Variants in PLCL2 observed in about 807,000 individuals in gnomAD.
PLCL2 encodes the protein inactive phospholipase C-like protein 2.
Under a neutral mutation model 79.6 loss-of-function variants are expected in PLCL2, and 4 were observed. The ratio of observed to expected loss-of-function variants is 0.05; its 90% CI spans 0.02 to 0.11. The LOEUF is 0.11. Among genes scored for constraint, PLCL2 ranks in the 10% least tolerant of loss-of-function variants. The probability of loss-of-function intolerance (pLI) is 1.00; values close to 1 mark genes in which losing one functional copy is unlikely to be tolerated. For missense variants in PLCL2, 895 were observed against 1,291.0 expected, an observed-to-expected ratio of 0.69 and a Z score of 4.70; for synonymous variants, 484 against 457.7, an observed-to-expected ratio of 1.06 and a Z score of -0.73.
intron 1 of PLCL2, among the ~76,000 whole-genome samples, chr3:16,959,690 T>C (rs899179862): frequency 1.3e-5 from 2 of 152,188 alleles, no homozygotes; most frequent in Admixed American, 6.5e-5. Context: ...TTCCTCATTG[T>C]GGTCCTATCC....
intron 1 of PLCL2, among the ~76,000 whole-genome samples, chr3:16,892,482 T>C (rs1052747876): frequency 3.9e-5 from 6 of 152,374 alleles, no homozygotes; most frequent in African/African-American, 1.4e-4. Flanking sequence ...TCTGTAGTTT[T>C]TGCTCAGTTG....
chr3:17,056,299 A>G (rs1049990255), intron 4 of PLCL2, among the ~76,000 whole-genome samples: 4 of 152,156 alleles, frequency 2.6e-5, no homozygotes, highest in Non-Finnish European at 5.9e-5. Context: ...TTCTCATACA[A>G]ATACCAGAAG....
chr3:17,014,607 T>C, intron 2 of PLCL2, 101 bp from the exon 3 acceptor site: 2 of 894,386 alleles, frequency 2.2e-6, no homozygotes, highest in Non-Finnish European at 3.6e-6. Context: ...ATAACTTTTG[T>C]ACCAGGTGGT....
At chr3:16,933,280 G>T (rs573425889) in intron 1 of PLCL2, 5 of 154,934 alleles carry the variant, frequency 3.2e-5, no homozygotes, top group African/African-American at 9.6e-5. Context: ...TTGTTCAAGA[G>T]CACTGGAAAT....
chr3:17,068,366 T>C (rs2065030048), intron 5 of PLCL2, among the ~76,000 whole-genome samples: 1 of 152,252 alleles, frequency 6.6e-6, no homozygotes, highest in African/African-American at 2.4e-5. Flanking sequence ...AGTTGCTATA[T>C]GTAAAATAGA....
chr3:16,914,353 TA>T (rs1175638979), intron 1 of PLCL2, among the ~76,000 whole-genome samples: 1 of 152,238 alleles, frequency 6.6e-6, no homozygotes, highest in African/African-American at 2.4e-5. Flanking sequence ...TAATATGATC[TA>T]AGAGAAAGAT....
At chr3:17,080,458 C>CTT (rs1036660053) in intron 5 of PLCL2, among the ~76,000 whole-genome samples, 3 of 151,474 alleles carry the variant, frequency 2.0e-5, no homozygotes, top group African/African-American at 7.3e-5. Flanking sequence ...ATTCATTCTT[C>CTT]TTTTTTTTTC....
intron 4 of PLCL2, 52 bp downstream of exon 4, chr3:17,043,001 C>T (rs778192115): frequency 9.3e-6 from 11 of 1,179,430 alleles, no homozygotes; most frequent in East Asian, 4.7e-5. Context: ...GCATCATATA[C>T]TTTGCCCCAA....
chr3:17,080,616 A>C (rs969157113), intron 5 of PLCL2, among the ~76,000 whole-genome samples: 1 of 151,952 alleles, frequency 6.6e-6, no homozygotes, highest in Non-Finnish European at 1.5e-5. Context: ...ATGCCTGGCT[A>C]ATTTTTGTAT....
chr3:17,058,643 C>G (rs1269413971), intron 4 of PLCL2, among the ~76,000 whole-genome samples: 2 of 152,054 alleles, frequency 1.3e-5, no homozygotes, highest in Non-Finnish European at 2.9e-5. Context: ...AATTTGGGAG[C>G]TATCATTGCA....
Position 17,014,929 on chromosome 3 carries a change from C to T in PLCL2, c.3018+18C>T, listed in dbSNP as rs993770416. The T allele has an allele frequency of 8.8e-6, 14 of 1,592,736 alleles. No individual in the cohort carries two copies. The highest frequency in any genetic ancestry group is 2.2e-5 in the South Asian group (2 of 90,590). ...ATGACATGGTGAGTTGTCCTTTGTCCGTTTACATAGCCTGGGTGAGAGAGA... is the reference window on the plus strand; with the variant it reads ...ATGACATGGTGAGTTGTCCTTTGTCTGTTTACATAGCCTGGGTGAGAGAGA... On this transcript the variant is annotated intron_variant, in intron 3 of 5. Transcript: ENST00000615277.
At position 17,004,925 on chromosome 3, in the gene PLCL2, T is replaced by C. The variant is rs186040988; in HGVS notation, c.328-4749T>C. The stretch of plus-strand genomic sequence containing the variant: ...TTATATTTCAGATTAAATAACTTGA[T>C]TCAAGCAAACCAGAGAGATAAATGG... On this transcript the variant is annotated intron_variant, in intron 1 of 5. Coordinates refer to ENST00000615277, the MANE Select transcript of PLCL2 (RefSeq NM_001144382.2). 2.8e-4 allele frequency among the ~76,000 whole-genome samples: 43 copies of C among 152,316 alleles called. No homozygotes were observed. The East Asian group carries it at 7.9e-3, about 28-fold the overall frequency.
At chr3:16,910,384 T>A (rs1473520445) in intron 1 of PLCL2, among the ~76,000 whole-genome samples, 1 of 152,124 alleles carries the variant, frequency 6.6e-6, no homozygotes, top group African/African-American at 2.4e-5. Flanking sequence ...GTCCTCCCCT[T>A]ACTTCACCCG....
chr3:17,036,101 G>A (rs890483976), intron 3 of PLCL2, among the ~76,000 whole-genome samples: 1 of 152,126 alleles, frequency 6.6e-6, no homozygotes, highest in Non-Finnish European at 1.5e-5. Flanking sequence ...TGCTGGAAGG[G>A]AGGACGACCA....
At position 16,885,172 on chromosome 3, in the gene PLCL2, GGGC is replaced by G; in HGVS notation, c.136_138del (p.Arg46del). 1.8e-6 allele frequency: 1 copy of G among 548,932 alleles called. No homozygotes were observed. Among genetic ancestry groups the G allele is most frequent in the Admixed American group, 3.3e-5 (1 of 30,062 alleles). 34.0% of individuals were successfully genotyped at this position (548,932 alleles called of 1,614,324 possible). The stretch of plus-strand genomic sequence containing the variant: ...TGGCGGGGGAGGTCGCCTCGGCCAC[GGGC>G]GGGCGCGCTATGACAGCGGCGGGGT... On this transcript the variant is annotated inframe_deletion, in exon 1 of 6. Coordinates refer to ENST00000615277, the MANE Select transcript of PLCL2 (RefSeq NM_001144382.2).
intron 1 of PLCL2, among the ~76,000 whole-genome samples, chr3:16,935,766 G>A (rs1697523989): frequency 6.6e-6 from 1 of 152,070 alleles, no homozygotes; most frequent in South Asian, 2.1e-4. Flanking sequence ...TTATACCTGG[G>A]CAACATCAGG....
chr3:17,004,411 C>T (rs2064240870), intron 1 of PLCL2, among the ~76,000 whole-genome samples: 1 of 152,132 alleles, frequency 6.6e-6, no homozygotes, highest in African/African-American at 2.4e-5. Flanking sequence ...AAGAGGAGCG[C>T]CCATGGAGGA....
chr3:17,000,498 C>G (rs1451228176), intron 1 of PLCL2, among the ~76,000 whole-genome samples: 1 of 152,042 alleles, frequency 6.6e-6, no homozygotes, highest in East Asian at 1.9e-4. Flanking sequence ...GTATTAATGA[C>G]TATAGTCAAC....
At chr3:16,959,448 AT>A (rs1173736139) in intron 1 of PLCL2, among the ~76,000 whole-genome samples, 1 of 151,958 alleles carries the variant, frequency 6.6e-6, no homozygotes, top group Non-Finnish European at 1.5e-5. Flanking sequence ...CTTTATGATA[AT>A]TTTTATTCCT....
Sources: gnomAD v4.1 joint callset for allele counts (sites outside exome capture counted in the v4.1 genomes callset) on GRCh38, gnomAD v4.1.1 for gene constraint, MANE v1.5 for transcripts, NCBI Gene and HGNC (gene_info 2026-07-23, HGNC 2026-07-21) for gene names.